ZNG1B: variants seen among roughly 807,000 people sequenced by gnomAD.
ZNG1B encodes zinc-regulated GTPase metalloprotein activator 1B.
chr2:113,488,458 T>G, the ZNG1B span, among the ~76,000 whole-genome samples: 2 of 152,076 alleles, frequency 1.3e-5, no homozygotes, highest in Non-Finnish European at 2.9e-5. Flanking sequence ...AAAAGAAGGT[T>G]CTTTAACACC....
the ZNG1B span, among the ~76,000 whole-genome samples, chr2:113,442,355 A>G: frequency 6.6e-6 from 1 of 152,318 alleles, no homozygotes; most frequent in Admixed American, 6.5e-5. Flanking sequence ...AATTGTAATC[A>G]AAGCTCACTT....
chr2:113,462,156 CT>C, the ZNG1B span, among the ~76,000 whole-genome samples: 1 of 152,076 alleles, frequency 6.6e-6, no homozygotes, highest in Admixed American at 6.6e-5. Flanking sequence ...TTAGTAAATA[CT>C]TTGCGAATGG....
At chr2:113,470,550 G>T in the ZNG1B span, 16 of 172,574 alleles carry the variant, frequency 9.3e-5, no homozygotes, top group South Asian at 5.2e-4. Context: ...ATCAAATCAC[G>T]TGAAGATCAG....
At chr2:113,476,846 G>A in the ZNG1B span, among the ~76,000 whole-genome samples, 33 of 152,324 alleles carry the variant, frequency 2.2e-4, no homozygotes, top group Admixed American at 3.3e-4. Flanking sequence ...CAGGGGTCAG[G>A]GTCCCACTTG....
the ZNG1B span, among the ~76,000 whole-genome samples, chr2:113,451,077 C>G: frequency 6.6e-6 from 1 of 152,230 alleles, no homozygotes; most frequent in African/African-American, 2.4e-5. Flanking sequence ...CTGACCTTCT[C>G]CTTCCCAAAG....
the ZNG1B span, among the ~76,000 whole-genome samples, chr2:113,449,874 T>C: frequency 1.3e-5 from 2 of 151,440 alleles, no homozygotes; most frequent in African/African-American, 4.9e-5. Flanking sequence ...GTGAGTATTA[T>C]AGTCTCTGAG....
chr2:113,446,789 CACATTCAT>C, the ZNG1B span, among the ~76,000 whole-genome samples: 442 of 144,644 alleles, frequency 3.1e-3, no homozygotes, highest in African/African-American at 0.011. Flanking sequence ...CACACACACA[CACATTCAT>C]ACACACACAC....
the ZNG1B span, among the ~76,000 whole-genome samples, chr2:113,483,314 C>A: frequency 2.0e-5 from 3 of 151,722 alleles, no homozygotes; most frequent in African/African-American, 7.3e-5. Flanking sequence ...TCTATTGTGG[C>A]GGTTACGATG....
chr2:113,481,938 C>G, the ZNG1B span: 1 of 529,744 alleles, frequency 1.9e-6, no homozygotes, highest in Admixed American at 3.5e-5. Context: ...TAGTTTTTCT[C>G]TTTATTCTGT....
At chr2:113,454,226 C>T in the ZNG1B span, among the ~76,000 whole-genome samples, 1 of 152,116 alleles carries the variant, frequency 6.6e-6, no homozygotes, top group Non-Finnish European at 1.5e-5. Context: ...AGTTTGGAAA[C>T]TTAAGCATAT....
the ZNG1B span, among the ~76,000 whole-genome samples, chr2:113,483,246 A>G: frequency 6.6e-6 from 1 of 151,012 alleles, no homozygotes; most frequent in Middle Eastern, 3.4e-3. Context: ...CGCAGCGCTC[A>G]CTTTCCATGA....
chr2:113,461,058 AATTATT>A, the ZNG1B span, among the ~76,000 whole-genome samples: 1 of 145,904 alleles, frequency 6.9e-6, no homozygotes, highest in African/African-American at 2.5e-5. Flanking sequence ...TAATAATAAT[AATTATT>A]ATTATTATTT....
chr2:113,454,332 C>T, the ZNG1B span, among the ~76,000 whole-genome samples: 1 of 152,148 alleles, frequency 6.6e-6, no homozygotes, highest in Admixed American at 6.5e-5. Flanking sequence ...TAATTTAAAT[C>T]TTAAGAAAAG....
At chr2:113,479,607 C>T in the ZNG1B span, among the ~76,000 whole-genome samples, 2 of 152,128 alleles carry the variant, frequency 1.3e-5, no homozygotes, top group African/African-American at 4.8e-5. Flanking sequence ...TGATCCTTTT[C>T]TTCTTTTTAC....
chr2:113,483,486 T>C, the ZNG1B span, among the ~76,000 whole-genome samples: 1 of 150,034 alleles, frequency 6.7e-6, no homozygotes, highest in Non-Finnish European at 1.5e-5. Flanking sequence ...CAGAATCGCA[T>C]GTGGAGCCTT....
the ZNG1B span, chr2:113,495,397 A>G: frequency 1.2e-6 from 1 of 835,532 alleles, no homozygotes; most frequent in Non-Finnish European, 1.8e-6. Flanking sequence ...ATCACGTTAC[A>G]ACGTTCGTAA....
the ZNG1B span, among the ~76,000 whole-genome samples, chr2:113,440,042 G>A: frequency 1.1e-4 from 17 of 150,606 alleles, no homozygotes; most frequent in Non-Finnish European, 2.1e-4. Flanking sequence ...CCGCCACTAC[G>A]CCCGGCTAAT....
chr2:113,455,443 C>T, the ZNG1B span: 6 of 455,256 alleles, frequency 1.3e-5, no homozygotes, highest in East Asian at 2.1e-4. Flanking sequence ...TTTTTGTTAA[C>T]TTCTAAGGTC....
the ZNG1B span, chr2:113,438,015 G>C: frequency 5.0e-6 from 8 of 1,611,786 alleles, no homozygotes; most frequent in Non-Finnish European, 6.8e-6. Flanking sequence ...TTATCACCGG[G>C]TATTTAGGTA....
Sources: allele counts gnomAD v4.1 joint callset (sites outside exome capture counted in the v4.1 genomes callset), GRCh38; gene constraint gnomAD v4.1.1; transcripts MANE v1.5; gene names NCBI Gene and HGNC (gene_info 2026-07-23, HGNC 2026-07-21).